Variants in C11orf65 observed in about 807,000 individuals in gnomAD.
C11orf65 encodes chromosome 11 open reading frame 65.
C11orf65 carries 38 observed loss-of-function variants against 35.3 expected under a neutral mutation model. That is an observed-to-expected ratio of 1.08 (90% confidence interval 0.83 to 1.41). C11orf65 has a LOEUF of 1.41. Ranked by LOEUF, C11orf65 falls within the 40% of genes most tolerant of loss-of-function variation. The pLI is 0.00. For synonymous variants in C11orf65, 105 were observed against 114.4 expected (o/e 0.92, Z 0.53); for missense variants, 370 against 367.1 (o/e 1.01, Z -0.06).
chr11:108,359,643 C>T (rs187353029), intron 2 of C11orf65, among the ~76,000 whole-genome samples: 1 of 152,262 alleles, frequency 6.6e-6, no homozygotes, highest in Non-Finnish European at 1.5e-5. Context: ...TTAAGAATCT[C>T]ACTCAAAACC....
chr11:108,372,641 G>A (rs1300208080), intron 2 of C11orf65, among the ~76,000 whole-genome samples: 2 of 152,180 alleles, frequency 1.3e-5, no homozygotes, highest in Non-Finnish European at 2.9e-5. Flanking sequence ...GGACTTCACA[G>A]GCATTTCAAA....
intron 7 of C11orf65, among the ~76,000 whole-genome samples, chr11:108,392,924 C>T (rs2092199985): frequency 6.6e-6 from 1 of 152,096 alleles, no homozygotes; most frequent in Admixed American, 6.6e-5. Flanking sequence ...TGCTCTTAGC[C>T]TTTTTTCTAA....
At chr11:108,447,404 T>C (rs1328414159) in intron 2 of C11orf65, among the ~76,000 whole-genome samples, 2 of 151,828 alleles carry the variant, frequency 1.3e-5, no homozygotes, top group African/African-American at 4.8e-5. Context: ...CCTCAGCAAA[T>C]GTAAAAGAAC....
intron 2 of C11orf65, among the ~76,000 whole-genome samples, chr11:108,457,649 AG>A (rs907535224): frequency 6.6e-6 from 1 of 152,226 alleles, no homozygotes; most frequent in African/African-American, 2.4e-5. Flanking sequence ...TCTCAAAAAA[AG>A]AAAGTTAAAA....
At chr11:108,383,288 A>G (rs1039801405) in intron 8 of C11orf65, 113 bp from the exon 9 acceptor site, 9 of 919,810 alleles carry the variant, frequency 9.8e-6, no homozygotes, top group Admixed American at 3.3e-5. Flanking sequence ...CTTAAAGCAA[A>G]TATCTTCACC....
chr11:108,384,179 T>C (rs2091933526), intron 8 of C11orf65, among the ~76,000 whole-genome samples: 3 of 152,090 alleles, frequency 2.0e-5, no homozygotes, highest in Non-Finnish European at 4.4e-5. Flanking sequence ...TGATTTAAAT[T>C]TGTAAAAGAT....
intron 6 of C11orf65, chr11:108,325,159 TG>T (rs1439295013): frequency 4.3e-5 from 26 of 599,494 alleles, no homozygotes; most frequent in Non-Finnish European, 7.2e-5. Context: ...TTGATCCATA[TG>T]TAGGATTATT....
At chr11:108,345,670 T>A in intron 2 of C11orf65, 3 of 1,235,020 alleles carry the variant, frequency 2.4e-6, no homozygotes, top group Non-Finnish European at 3.4e-6. Context: ...GTCATATTTT[T>A]ATATAAAAAT....
intron 3 of C11orf65, among the ~76,000 whole-genome samples, chr11:108,410,766 T>C (rs1361018217): frequency 2.0e-5 from 3 of 150,628 alleles, no homozygotes; most frequent in Non-Finnish European, 4.4e-5. Flanking sequence ...TGGGGTGCAG[T>C]GGCCTGATCT....
At chr11:108,447,137 T>C (rs558126110) in intron 2 of C11orf65, among the ~76,000 whole-genome samples, 1 of 152,160 alleles carries the variant, frequency 6.6e-6, no homozygotes, top group East Asian at 1.9e-4. Context: ...ATAAAGCAAG[T>C]CCTGAGTGAC....
chr11:108,400,477 G>A (rs911340480), intron 6 of C11orf65, among the ~76,000 whole-genome samples: 1 of 152,200 alleles, frequency 6.6e-6, no homozygotes, highest in Non-Finnish European at 1.5e-5. Context: ...GGGGACAAGA[G>A]CAGGAAAGGT....
chr11:108,399,727 T>C (rs568332198), intron 6 of C11orf65, among the ~76,000 whole-genome samples: 1 of 152,196 alleles, frequency 6.6e-6, no homozygotes, highest in Non-Finnish European at 1.5e-5. Context: ...ACCACATTTA[T>C]TTTACACTAA....
Position 108,310,196 on chromosome 11 carries a change from G to C in C11orf65, c.641-1125C>G, listed in dbSNP as rs2084026241. 6.2e-7 allele frequency: 1 copy of C among 1,613,388 alleles called. No individual in the cohort carries two copies. On this transcript the variant is annotated intron_variant, in intron 6 of 6. Coordinates refer to the C11orf65 transcript ENST00000525729. Reference sequence around the variant, plus strand: ...GAACAATTTTTAATGATGCTTTCTGGCTGGATTTAAATTATCTAGAAGTTG... The same window carrying C: ...GAACAATTTTTAATGATGCTTTCTGCCTGGATTTAAATTATCTAGAAGTTG...
intron 2 of C11orf65, among the ~76,000 whole-genome samples, chr11:108,338,556 A>G (rs1380158622): frequency 2.0e-5 from 3 of 152,142 alleles, no homozygotes; most frequent in African/African-American, 4.8e-5. Context: ...TCAAGAAGCT[A>G]AAGCGTGAGG....
intron 6 of C11orf65, chr11:108,319,918 T>C: frequency 6.8e-7 from 1 of 1,470,874 alleles, no homozygotes; most frequent in Non-Finnish European, 9.5e-7. Flanking sequence ...AGGGTTCTGT[T>C]TTTAAGTATA....
At chr11:108,337,111 C>T (rs1270985395) in intron 2 of C11orf65, among the ~76,000 whole-genome samples, 2 of 152,124 alleles carry the variant, frequency 1.3e-5, no homozygotes, top group Admixed American at 6.5e-5. Flanking sequence ...TAGATCTACC[C>T]TCCAAAATGC....
At position 108,398,894 on chromosome 11, in the gene C11orf65, T is replaced by C. The variant is rs115638037; in HGVS notation, c.561-5516A>G. On this transcript the variant is annotated intron_variant, in intron 6 of 8. Transcript: ENST00000393084. ...ATAAAATTAATATCCAGAATATTTG[T>C]CTATCACTGTGAGGACAAATGGATG... Among the ~76,000 whole-genome samples the C allele has an allele frequency of 2.4e-4, 37 of 152,336 alleles. 1 individual carries two copies. The highest frequency in any genetic ancestry group is 8.4e-4 in the African/African-American group (35 of 41,558).
chr11:108,469,480 C>T (rs912698222), upstream of C11orf65, among the ~76,000 whole-genome samples: 13 of 151,102 alleles, frequency 8.6e-5, no homozygotes, highest in South Asian at 2.1e-4. Flanking sequence ...AAAGTAATTG[C>T]GGTTTTTGTC....
intron 6 of C11orf65, among the ~76,000 whole-genome samples, chr11:108,310,954 A>G (rs1165780443): frequency 1.3e-5 from 2 of 152,156 alleles, no homozygotes; most frequent in South Asian, 2.1e-4. Context: ...TATTATCCCA[A>G]CTGCTCTTTT....
Sources: gnomAD v4.1 joint callset for allele counts (sites outside exome capture counted in the v4.1 genomes callset) on GRCh38, gnomAD v4.1.1 for gene constraint, MANE v1.5 for transcripts, NCBI Gene and HGNC (gene_info 2026-07-23, HGNC 2026-07-21) for gene names.